Variants in CALN1 observed in about 807,000 individuals in gnomAD.
The protein encoded by CALN1 is calcium-binding protein 8.
In CALN1, 17 loss-of-function variants were observed where a neutral mutation model predicts 30.6. That is an observed-to-expected ratio of 0.56 (90% CI 0.38 to 0.83). The LOEUF is 0.83. Among genes scored for constraint, CALN1 ranks in the 40% least tolerant of loss-of-function variants. CALN1 has a pLI of 0.00. For synonymous variants in CALN1, 156 were observed against 131.4 expected, an observed-to-expected ratio of 1.19 and a Z score of -1.28; for missense variants, 291 against 354.9, an observed-to-expected ratio of 0.82 and a Z score of 1.45.
chr7:72,395,333 T>C (rs531081727), intron 2 of CALN1, among the ~76,000 whole-genome samples: 29 of 142,280 alleles, frequency 2.0e-4, no homozygotes, highest in Non-Finnish European at 2.4e-4. Flanking sequence ...AGCAAACACA[T>C]ACACACACAC....
intron 5 of CALN1, among the ~76,000 whole-genome samples, chr7:71,882,990 C>T (rs1378086651): frequency 6.6e-6 from 1 of 152,084 alleles, no homozygotes. Context: ...TCCAGGATTA[C>T]AGGCATGAGC....
At chr7:72,296,429 G>C (rs1459937032) in intron 2 of CALN1, among the ~76,000 whole-genome samples, 1 of 150,200 alleles carries the variant, frequency 6.7e-6, no homozygotes, top group African/African-American at 2.4e-5. Flanking sequence ...AATAGTTTCA[G>C]AAGGAATGGT....
intron 5 of CALN1, among the ~76,000 whole-genome samples, chr7:72,012,334 GA>G (rs1414654568): frequency 6.6e-6 from 1 of 152,090 alleles, no homozygotes; most frequent in East Asian, 1.9e-4. Context: ...CCAACATGGT[GA>G]AATCCCATTT....
intron 2 of CALN1, among the ~76,000 whole-genome samples, chr7:72,382,360 T>C (rs1574549): frequency 0.22 from 34,199 of 152,230 alleles, 4,866 homozygotes; most frequent in Non-Finnish European, 0.32. Flanking sequence ...CTCACAGACA[T>C]GGGAGAAACA....
intron 1 of CALN1, among the ~76,000 whole-genome samples, chr7:72,439,097 C>T (rs553633335): frequency 5.3e-5 from 8 of 152,224 alleles, no homozygotes; most frequent in Middle Eastern, 3.4e-3. Context: ...AGTGCAGTGA[C>T]GCCATTATAG....
the CALN1 span, among the ~76,000 whole-genome samples, chr7:72,464,479 T>C: frequency 1.3e-5 from 2 of 152,284 alleles, no homozygotes; most frequent in Non-Finnish European, 2.9e-5. Flanking sequence ...GCCACCTGCA[T>C]CCCAAGGGAA....
chr7:72,324,985 G>A (rs757000673), intron 2 of CALN1, among the ~76,000 whole-genome samples: 14 of 152,150 alleles, frequency 9.2e-5, no homozygotes, highest in African/African-American at 2.9e-4. Context: ...TGGGTGTCGA[G>A]AATTAGAGAA....
At chr7:72,372,033 C>T (rs563079529) in intron 2 of CALN1, among the ~76,000 whole-genome samples, 1 of 152,294 alleles carries the variant, frequency 6.6e-6, no homozygotes, top group Admixed American at 6.5e-5. Context: ...AATTCAATAT[C>T]GCCTGAAAGT....
chr7:71,884,814 T>C (rs568267416), intron 5 of CALN1, among the ~76,000 whole-genome samples: 1 of 152,320 alleles, frequency 6.6e-6, no homozygotes, highest in South Asian at 2.1e-4. Context: ...TGCAAAGTTG[T>C]TCTTTGTGGG....
At chr7:72,370,826 A>T (rs1804192620) in intron 2 of CALN1, among the ~76,000 whole-genome samples, 1 of 152,040 alleles carries the variant, frequency 6.6e-6, no homozygotes, top group South Asian at 2.1e-4. Context: ...GCAGTGGATT[A>T]CTTGAGGTTA....
chr7:72,321,659 A>G (rs1031412430), intron 2 of CALN1, among the ~76,000 whole-genome samples: 1 of 152,218 alleles, frequency 6.6e-6, no homozygotes, highest in Admixed American at 6.5e-5. Context: ...AAAGTTGGTG[A>G]GGTGCCTGGA....
chr7:71,963,287 A>G (rs915260466), intron 5 of CALN1, among the ~76,000 whole-genome samples: 1 of 151,972 alleles, frequency 6.6e-6, no homozygotes, highest in Non-Finnish European at 1.5e-5. Context: ...CTCAGCCTCC[A>G]GAGTAGCTGG....
At chr7:72,218,135 C>T (rs918421572) in intron 3 of CALN1, among the ~76,000 whole-genome samples, 8 of 151,670 alleles carry the variant, frequency 5.3e-5, no homozygotes, top group South Asian at 4.2e-4. Context: ...AGCCACCCCG[C>T]TCCGCCAAAA....
At chr7:72,149,338 G>C (rs1178421020) in intron 3 of CALN1, among the ~76,000 whole-genome samples, 3 of 152,048 alleles carry the variant, frequency 2.0e-5, no homozygotes, top group East Asian at 1.9e-4. Context: ...CGTGGTGGCA[G>C]TCGCCTATAA....
chr7:72,105,242 C>T (rs1229424139), intron 4 of CALN1, among the ~76,000 whole-genome samples: 1 of 152,196 alleles, frequency 6.6e-6, no homozygotes, highest in Non-Finnish European at 1.5e-5. Context: ...CTTAGCTGCA[C>T]TCTTAACTAC....
chr7:72,034,728 T>C (rs1801681449), intron 4 of CALN1, among the ~76,000 whole-genome samples: 3 of 136,002 alleles, frequency 2.2e-5, no homozygotes, highest in African/African-American at 8.4e-5. Context: ...GCGGAGATTG[T>C]GGTGAGCTGT....
At chr7:72,338,267 T>C (rs955857959) in intron 2 of CALN1, among the ~76,000 whole-genome samples, 1 of 152,094 alleles carries the variant, frequency 6.6e-6, no homozygotes, top group Non-Finnish European at 1.5e-5. Flanking sequence ...TTGTCCCCTC[T>C]TGGTGGCAAA....
At chr7:72,035,792 T>C (rs1419031120) in intron 4 of CALN1, among the ~76,000 whole-genome samples, 2 of 152,200 alleles carry the variant, frequency 1.3e-5, no homozygotes, top group Non-Finnish European at 2.9e-5. Context: ...TCTTTATACA[T>C]TACATGGCCC....
chr7:72,151,110 C>T (rs1787210117), intron 3 of CALN1, among the ~76,000 whole-genome samples: 1 of 152,132 alleles, frequency 6.6e-6, no homozygotes, highest in Admixed American at 6.5e-5. Context: ...GCTGCCATAA[C>T]AAAGGACCAC....
Sources: allele counts gnomAD v4.1 joint callset (sites outside exome capture counted in the v4.1 genomes callset), GRCh38; gene constraint gnomAD v4.1.1; transcripts MANE v1.5; gene names NCBI Gene and HGNC (gene_info 2026-07-23, HGNC 2026-07-21).